The following ADCY10 variants were observed in gnomAD, a reference collection of about 807,000 sequenced individuals.
ADCY10 encodes adenylate cyclase type 10.
In ADCY10, 156 loss-of-function variants were observed where a neutral mutation model predicts 183.3. The observed-to-expected ratio is 0.85, with a 90% CI of 0.75 to 0.97. The LOEUF (loss-of-function observed/expected upper bound fraction) is 0.97. ADCY10 is among the 50% of genes least tolerant of loss of function. The pLI, the probability that ADCY10 is intolerant of heterozygous loss-of-function variation, is 0.00. For synonymous variants in ADCY10, 645 were observed against 670.0 expected, an observed-to-expected ratio of 0.96 and a Z score of 0.58; for missense variants, 1,745 against 1,934.3, an observed-to-expected ratio of 0.90 and a Z score of 1.84.
intron 21 of ADCY10, among the ~76,000 whole-genome samples, chr1:167,841,475 G>T (rs1457033740): frequency 7.1e-6 from 1 of 141,190 alleles, no homozygotes; most frequent in Non-Finnish European, 1.5e-5. Flanking sequence ...TTCCCCATGG[G>T]ATTTATCGCT....
intron 8 of ADCY10, among the ~76,000 whole-genome samples, chr1:167,891,655 C>CAAAAAAAAA (rs774084079): frequency 9.3e-6 from 1 of 107,710 alleles, no homozygotes. Context: ...GACTCTGTCT[C>CAAAAAAAAA]AAAAAAAAAA....
At chr1:167,879,071 G>A (rs1048224922) in intron 11 of ADCY10, among the ~76,000 whole-genome samples, 1 of 152,192 alleles carries the variant, frequency 6.6e-6, no homozygotes, top group Non-Finnish European at 1.5e-5. Context: ...TTCATTTGGC[G>A]ATTTCTCGAT....
intron 1 of ADCY10, among the ~76,000 whole-genome samples, chr1:167,905,440 C>A (rs985879603): frequency 6.6e-6 from 1 of 152,132 alleles, no homozygotes; most frequent in Non-Finnish European, 1.5e-5. Flanking sequence ...GGTAGCTGAA[C>A]GGCTCAACTC....
At chr1:167,853,830 CTTTTTTTTTTTTT>C (rs538462140) in intron 18 of ADCY10, among the ~76,000 whole-genome samples, 67 of 77,190 alleles carry the variant, frequency 8.7e-4, no homozygotes, top group African/African-American at 2.8e-3. Context: ...ACTATAGTTA[CTTTTTTTTTTTTT>C]TTTTTTTTTT....
intron 30 of ADCY10, 118 bp from the exon 31 acceptor site, chr1:167,818,385 T>C (rs780526965): frequency 2.3e-6 from 2 of 888,062 alleles, no homozygotes; most frequent in East Asian, 2.4e-5. Context: ...AAGTGTGTAG[T>C]CTCCTGCCTA....
In ADCY10 at chr1:167,824,574, T is replaced by G; in HGVS notation, c.3956-2A>C. Reference sequence around the variant, plus strand: ...CCCACATCTGAAGGGCTCGGGAGCCTGGGAAGAAAACAATTCCAGTATATT... The same window carrying G: ...CCCACATCTGAAGGGCTCGGGAGCCGGGGAAGAAAACAATTCCAGTATATT... On this transcript the variant is annotated splice_acceptor_variant, in intron 27 of 32. Coordinates refer to ENST00000367851, the MANE Select transcript of ADCY10 (RefSeq NM_018417.6). LOFTEE classifies it high-confidence loss of function. 6.2e-7 allele frequency: 1 copy of G among 1,614,188 alleles called. No individual in the cohort carries two copies. Among genetic ancestry groups the G allele is most frequent in the Non-Finnish European group, 8.5e-7 (1 of 1,180,024 alleles).
chr1:167,837,366 C>T, intron 21 of ADCY10, 48 bp from the exon 22 acceptor site: 1 of 1,496,810 alleles, frequency 6.7e-7, no homozygotes, highest in Non-Finnish European at 9.3e-7. Flanking sequence ...ATGTTCTCTG[C>T]AGTGGAGATA....
intron 14 of ADCY10, among the ~76,000 whole-genome samples, chr1:167,865,558 AT>A (rs1467233536): frequency 6.6e-6 from 1 of 152,256 alleles, no homozygotes; most frequent in Admixed American, 6.5e-5. Context: ...AATTTAGCTT[AT>A]CTGGTATAAA....
At chr1:167,839,313 C>T (rs976146556) in intron 21 of ADCY10, among the ~76,000 whole-genome samples, 16 of 152,182 alleles carry the variant, frequency 1.1e-4, no homozygotes, top group African/African-American at 3.6e-4. Flanking sequence ...CTGGGTAGGA[C>T]TTTTAGAAGA....
chr1:167,905,955 C>T (rs932157946), intron 1 of ADCY10, among the ~76,000 whole-genome samples: 1 of 152,208 alleles, frequency 6.6e-6, no homozygotes, highest in African/African-American at 2.4e-5. Context: ...AGCAAACACC[C>T]TTTACTTTTT....
chr1:167,859,908 ATGAGAATAT>A lies in ADCY10; in HGVS notation c.1810-24_1810-16del. ...GAAATAGGGAACTGTACAAAGAATT[ATGAGAATAT>A]TGAGTATGGGAAAATAGCAAAGGGA... On this transcript the variant is annotated splice_polypyrimidine_tract_variant and intron_variant, in intron 15 of 32. Coordinates refer to ENST00000367851, the MANE Select transcript of ADCY10 (RefSeq NM_018417.6). The A allele has an allele frequency of 6.3e-7, 1 of 1,586,812 alleles. No homozygotes were observed. The highest frequency in any genetic ancestry group is 8.7e-7 in the Non-Finnish European group (1 of 1,155,132).
rs1298244364 is a variant in ADCY10, at chr1:167,842,285, G to T, written c.3007+3278C>A. Among the ~76,000 whole-genome samples, 4 of 152,130 alleles carry T rather than the reference G, an allele frequency of 2.6e-5. No homozygotes were observed. In the East Asian group the frequency reaches 7.7e-4, roughly 29 times the overall value. On this transcript the variant is annotated intron_variant, in intron 21 of 32. Transcript: ENST00000367851. ...TTCCTGAGAAACTGGGACTATAGAT[G>T]TGTGCCATCATACCTGGCTAATTTT...
chr1:167,840,409 C>T (rs1212883845), intron 21 of ADCY10, among the ~76,000 whole-genome samples: 3 of 147,332 alleles, frequency 2.0e-5, no homozygotes, highest in East Asian at 2.0e-4. Context: ...TAGGCTGGAG[C>T]GCAGTGGTGC....
chr1:167,820,059 G>A (rs1016712802), intron 30 of ADCY10: 6 of 1,572,818 alleles, frequency 3.8e-6, no homozygotes, highest in Non-Finnish European at 8.7e-7. Flanking sequence ...AGCCTCTTTC[G>A]TTACTCATCC....
At chr1:167,895,930 G>A (rs1668942303) in intron 7 of ADCY10, among the ~76,000 whole-genome samples, 1 of 152,156 alleles carries the variant, frequency 6.6e-6, no homozygotes, top group African/African-American at 2.4e-5. Context: ...CTGAAAATAG[G>A]TGATTTGAGA....
chr1:167,878,461 C>T lies in ADCY10; in HGVS notation c.1391G>A (p.Gly464Asp). The T allele has an allele frequency of 6.2e-7, 1 of 1,613,948 alleles. No individual in the cohort carries two copies. The highest frequency in any genetic ancestry group is 8.5e-7 in the Non-Finnish European group (1 of 1,180,008). The stretch of plus-strand genomic sequence containing the variant: ...CCACACTCACACTTTCTCAGTACGG[C>T]CCCAATACTGATACAATGGTCCAGA... ...ADSGPLYQYW[G>D]RTEKVMFGMA... Residue 464 changes from glycine (G) to aspartate (D), a missense_variant, in exon 12 of 33, where the codon GGC becomes GAC. Transcript: ENST00000367851.
Position 167,846,133 on chromosome 1 carries a change from C to T in ADCY10, c.2568G>A (p.Met856Ile), listed in dbSNP as rs1295195413. The change falls in exon 20 of 33, where the codon ATG (methionine) becomes ATA (isoleucine). Residue 856 changes from methionine to isoleucine, a missense_variant. Physicochemically the swap from Met to Ile is conservative, Grantham distance 10. Transcript: ENST00000367851. Reference protein sequence around the residue: ...FEILPCWNMKMMIKTLATLVE... With the variant: ...FEILPCWNMKIMIKTLATLVE... Reference sequence around the variant, plus strand: ...CTAGGGTTGCCAGGGTCTTGATCATCATCTTCATATTCCAACAGGGGAGAA... The same window carrying T: ...CTAGGGTTGCCAGGGTCTTGATCATTATCTTCATATTCCAACAGGGGAGAA... 2 of 1,614,036 alleles carry T rather than the reference C, an allele frequency of 1.2e-6. No individual in the cohort carries two copies. The highest frequency in any genetic ancestry group is 3.3e-5 in the Admixed American group (2 of 59,994).
chr1:167,880,766 A>T (rs558447372), intron 9 of ADCY10, among the ~76,000 whole-genome samples, 157 bp from the exon 10 acceptor site: 1 of 152,298 alleles, frequency 6.6e-6, no homozygotes, highest in South Asian at 2.1e-4. Context: ...TACACTTCAA[A>T]CACTTCTACT....
intron 12 of ADCY10, among the ~76,000 whole-genome samples, chr1:167,875,721 T>A (rs989618924): frequency 1.3e-5 from 2 of 150,998 alleles, no homozygotes; most frequent in Non-Finnish European, 3.0e-5. Context: ...GAGGCCGAGG[T>A]GGGCAGATCA....
Sources: allele counts gnomAD v4.1 joint callset (sites outside exome capture counted in the v4.1 genomes callset), GRCh38; gene constraint gnomAD v4.1.1; transcripts MANE v1.5; gene names NCBI Gene and HGNC (gene_info 2026-07-23, HGNC 2026-07-21).